The following SNTG2 variants were observed in gnomAD, a reference collection of about 807,000 sequenced individuals.
The protein encoded by SNTG2 is gamma-2-syntrophin.
Under a neutral mutation model 70.9 loss-of-function variants are expected in SNTG2, and 74 were observed. That is an observed-to-expected ratio of 1.04 (90% CI 0.86 to 1.27). SNTG2 has a LOEUF of 1.27. Ranked by LOEUF, SNTG2 falls within the 50% of genes most tolerant of loss-of-function variation. The probability of loss-of-function intolerance (pLI) is 0.00; values close to 1 mark genes in which losing one functional copy is unlikely to be tolerated. For synonymous variants in SNTG2, 278 were observed against 273.8 expected (o/e 1.02, Z -0.15); for missense variants, 717 against 690.7 (o/e 1.04, Z -0.43).
At chr2:1,264,731 C>A (rs2148178251) in intron 13 of SNTG2, among the ~76,000 whole-genome samples, 1 of 152,268 alleles carries the variant, frequency 6.6e-6, no homozygotes, top group East Asian at 1.9e-4. Context: ...TTTCTTAATT[C>A]ATTTATTTAT....
chr2:1,208,917 A>C (rs112137412), intron 8 of SNTG2, among the ~76,000 whole-genome samples, 186 bp from the exon 9 acceptor site: 3,243 of 152,150 alleles, frequency 0.021, 107 homozygotes, highest in African/African-American at 0.071. Context: ...GCGGGAGAAA[A>C]TGTCTTAAAT....
intron 1 of SNTG2, among the ~76,000 whole-genome samples, chr2:1,028,800 T>A (rs1314289350): frequency 6.6e-6 from 1 of 151,638 alleles, no homozygotes; most frequent in Non-Finnish European, 1.5e-5. Flanking sequence ...CTTCTCACCC[T>A]GCGCTTCTAA....
intron 1 of SNTG2, among the ~76,000 whole-genome samples, chr2:957,448 C>T (rs1660203383): frequency 6.6e-6 from 1 of 151,980 alleles, no homozygotes; most frequent in Non-Finnish European, 1.5e-5. Flanking sequence ...TCATGATGCA[C>T]CTTACGTACG....
chr2:1,126,896 ATT>A (rs1194804499), intron 4 of SNTG2, among the ~76,000 whole-genome samples: 1 of 151,868 alleles, frequency 6.6e-6, no homozygotes, highest in Non-Finnish European at 1.5e-5. Flanking sequence ...GTTTGAAAAT[ATT>A]TTCTCCCATT....
intron 14 of SNTG2, among the ~76,000 whole-genome samples, chr2:1,307,443 G>A (rs555577569): frequency 3.4e-4 from 51 of 151,430 alleles, no homozygotes; most frequent in Admixed American, 9.9e-4. Context: ...TACTGTGTGT[G>A]TGTGTGTGTG....
intron 1 of SNTG2, among the ~76,000 whole-genome samples, chr2:971,925 AT>A (rs1307262783): frequency 6.6e-6 from 1 of 152,140 alleles, no homozygotes; most frequent in Non-Finnish European, 1.5e-5. Flanking sequence ...CTTAGAAGAC[AT>A]TCAGGAGCAG....
chr2:1,246,152 A>G (rs1278314547), intron 11 of SNTG2, among the ~76,000 whole-genome samples: 2 of 152,220 alleles, frequency 1.3e-5, no homozygotes, highest in Non-Finnish European at 2.9e-5. Flanking sequence ...AGACAAAACT[A>G]AAACGTTTAA....
At chr2:1,020,698 T>C (rs964881879) in intron 1 of SNTG2, among the ~76,000 whole-genome samples, 1 of 152,182 alleles carries the variant, frequency 6.6e-6, no homozygotes, top group Non-Finnish European at 1.5e-5. Context: ...TTAAAAATCA[T>C]TTGCAAAATT....
At chr2:1,115,074 G>A (rs1666853727) in intron 4 of SNTG2, among the ~76,000 whole-genome samples, 1 of 151,720 alleles carries the variant, frequency 6.6e-6, no homozygotes, top group Non-Finnish European at 1.5e-5. Flanking sequence ...TGTGTACTAA[G>A]TGGGGTTTAA....
chr2:1,112,416 T>TGAGG (rs1298393625), intron 4 of SNTG2, among the ~76,000 whole-genome samples: 1 of 151,540 alleles, frequency 6.6e-6, no homozygotes, highest in Non-Finnish European at 1.5e-5. Flanking sequence ...GTATACTAAG[T>TGAGG]GAGGTTTAAC....
At chr2:1,129,934 G>A (rs535177043) in intron 4 of SNTG2, among the ~76,000 whole-genome samples, 2 of 152,282 alleles carry the variant, frequency 1.3e-5, no homozygotes, top group East Asian at 3.9e-4. Flanking sequence ...GTGTTCACAA[G>A]TTGTAATAAA....
intron 1 of SNTG2, among the ~76,000 whole-genome samples, chr2:1,057,447 A>C (rs957278692): frequency 2.0e-5 from 3 of 152,140 alleles, no homozygotes; most frequent in African/African-American, 7.2e-5. Context: ...TCCGTCTGCA[A>C]GCTGAGGAGC....
intron 16 of SNTG2, among the ~76,000 whole-genome samples, chr2:1,352,280 G>A (rs1660619487): frequency 6.6e-6 from 1 of 152,134 alleles, no homozygotes; most frequent in South Asian, 2.1e-4. Context: ...TTGGGGTACC[G>A]GCCTCTCCTC....
intron 13 of SNTG2, among the ~76,000 whole-genome samples, chr2:1,263,165 T>G (rs1449161146): frequency 6.6e-6 from 1 of 152,342 alleles, no homozygotes; most frequent in East Asian, 1.9e-4. Context: ...ATCAAAGAGC[T>G]ATATGTATGA....
chr2:1,365,186 A>C (rs937855337), intron 16 of SNTG2, among the ~76,000 whole-genome samples: 1 of 152,158 alleles, frequency 6.6e-6, no homozygotes, highest in African/African-American at 2.4e-5. Context: ...AGCTTGAATT[A>C]AAGTTTAACA....
chr2:1,322,367 G>C lies in SNTG2; in HGVS notation c.1488+5992G>C, dbSNP rs184832895. 3.9e-3 allele frequency among the ~76,000 whole-genome samples: 597 copies of C among 152,200 alleles called. 10 individuals carry two copies. The highest frequency in any genetic ancestry group is 5.5e-3 in the Admixed American group (84 of 15,300). ...AGACACGGGAATATTTAGGGCCCTA[G>C]GAGGGAAAATCCACATCCCCAGAAA... On this transcript the variant is annotated intron_variant, in intron 16 of 16. Transcript: ENST00000308624.
chr2:1,241,506 T>A (rs1480556601), intron 11 of SNTG2, among the ~76,000 whole-genome samples: 1 of 152,112 alleles, frequency 6.6e-6, no homozygotes, highest in Non-Finnish European at 1.5e-5. Flanking sequence ...AGTTTCAGGG[T>A]ACATGTGCAC....
chr2:1,365,099 T>G (rs368090418), intron 16 of SNTG2, among the ~76,000 whole-genome samples: 1 of 139,712 alleles, frequency 7.2e-6, no homozygotes, highest in South Asian at 2.4e-4. Flanking sequence ...TTTTTTTTTT[T>G]CCTCTAACAG....
At chr2:1,362,810 A>G (rs1661268008) in intron 16 of SNTG2, among the ~76,000 whole-genome samples, 1 of 152,124 alleles carries the variant, frequency 6.6e-6, no homozygotes, top group Non-Finnish European at 1.5e-5. Flanking sequence ...CGTGAAAGTC[A>G]CCGATGCTGA....
Sources: gnomAD v4.1 joint callset for allele counts (sites outside exome capture counted in the v4.1 genomes callset) on GRCh38, gnomAD v4.1.1 for gene constraint, MANE v1.5 for transcripts, NCBI Gene and HGNC (gene_info 2026-07-23, HGNC 2026-07-21) for gene names.